The following UNC13C variants were observed in gnomAD, a reference collection of about 807,000 sequenced individuals.
UNC13C encodes unc-13 homolog C, also known as protein unc-13 homolog C.
In UNC13C, 174 loss-of-function variants were observed where a neutral mutation model predicts 245.4. The observed-to-expected ratio is 0.71, with a 90% CI of 0.63 to 0.80. The LOEUF (loss-of-function observed/expected upper bound fraction) is 0.80. Among genes scored for constraint, UNC13C ranks in the 30% least tolerant of loss-of-function variants. UNC13C has a pLI of 0.00. For missense variants in UNC13C, 2,829 were observed against 2,602.9 expected, an observed-to-expected ratio of 1.09 and a Z score of -1.89; for synonymous variants, 992 against 895.1, an observed-to-expected ratio of 1.11 and a Z score of -1.93.
At chr15:54,447,436 G>A (rs1221480223) in intron 19 of UNC13C, among the ~76,000 whole-genome samples, 5 of 152,132 alleles carry the variant, frequency 3.3e-5, no homozygotes, top group Admixed American at 6.5e-5. Flanking sequence ...ATTAATTATT[G>A]CCTCAATTTC....
intron 7 of UNC13C, among the ~76,000 whole-genome samples, chr15:54,238,351 G>A (rs1180337645): frequency 6.6e-6 from 1 of 152,058 alleles, no homozygotes; most frequent in Non-Finnish European, 1.5e-5. Context: ...GGGATTACAG[G>A]TGTGAGCCAC....
chr15:54,331,370 A>C (rs2038430899), intron 14 of UNC13C, among the ~76,000 whole-genome samples: 1 of 152,026 alleles, frequency 6.6e-6, no homozygotes, highest in African/African-American at 2.4e-5. Context: ...CTTTATTCTC[A>C]CCATCTTCAA....
At chr15:54,223,374 G>A (rs1247493237) in intron 4 of UNC13C, among the ~76,000 whole-genome samples, 1 of 151,786 alleles carries the variant, frequency 6.6e-6, no homozygotes. Flanking sequence ...GTGTTTTTTG[G>A]CACATTTGTT....
intron 10 of UNC13C, among the ~76,000 whole-genome samples, chr15:54,267,827 T>A (rs2036584483): frequency 6.6e-6 from 1 of 152,086 alleles, no homozygotes; most frequent in South Asian, 2.1e-4. Flanking sequence ...TTGGAAACAT[T>A]TGGTCATTAT....
At chr15:54,208,783 T>A (rs1307270810) in intron 4 of UNC13C, among the ~76,000 whole-genome samples, 1 of 152,132 alleles carries the variant, frequency 6.6e-6, no homozygotes, top group African/African-American at 2.4e-5. Flanking sequence ...ATGTATCACA[T>A]ACAATAAATA....
the UNC13C span, among the ~76,000 whole-genome samples, chr15:53,884,814 CT>C: frequency 6.6e-6 from 1 of 152,174 alleles, no homozygotes; most frequent in Non-Finnish European, 1.5e-5. Flanking sequence ...TAGTTCCCCC[CT>C]CTTTCCCTTT....
intron 8 of UNC13C, 124 bp from the exon 9 acceptor site, chr15:54,264,044 C>A (rs796574834): frequency 2.2e-6 from 2 of 904,518 alleles, no homozygotes; most frequent in Non-Finnish European, 3.4e-6. Context: ...TTCTAAAAAG[C>A]CACCTGACTC....
chr15:54,156,550 A>G (rs1200606311), intron 4 of UNC13C, among the ~76,000 whole-genome samples: 2 of 152,122 alleles, frequency 1.3e-5, no homozygotes. Context: ...ACGTTTAACA[A>G]TAAGTTGCAT....
chr15:53,985,437 TA>T, intron 1 of UNC13C, among the ~76,000 whole-genome samples: 1 of 151,180 alleles, frequency 6.6e-6, no homozygotes, highest in East Asian at 1.9e-4. Context: ...ATACATGTGC[TA>T]CTATGTATAC....
intron 13 of UNC13C, among the ~76,000 whole-genome samples, chr15:54,313,724 C>A (rs16974496): frequency 0.21 from 32,153 of 151,236 alleles, 3,524 homozygotes; most frequent in South Asian, 0.29. Flanking sequence ...AAGCATAAAC[C>A]AAACACATTC....
At chr15:53,928,776 C>A in the UNC13C span, among the ~76,000 whole-genome samples, 1 of 152,098 alleles carries the variant, frequency 6.6e-6, no homozygotes, top group Non-Finnish European at 1.5e-5. Flanking sequence ...GTACTGGGAG[C>A]TCTAACTTAG....
At chr15:54,107,020 G>T (rs1180102843) in intron 2 of UNC13C, among the ~76,000 whole-genome samples, 1 of 152,158 alleles carries the variant, frequency 6.6e-6, no homozygotes, top group Non-Finnish European at 1.5e-5. Flanking sequence ...AAATTAGTTT[G>T]TTTCATAGGT....
intron 1 of UNC13C, among the ~76,000 whole-genome samples, chr15:53,994,763 G>A (rs1894541910): frequency 6.6e-6 from 1 of 152,072 alleles, no homozygotes. Flanking sequence ...GTTTTTTAAT[G>A]TGTATAGTAT....
At chr15:54,117,418 T>TA (rs556214891) in intron 2 of UNC13C, among the ~76,000 whole-genome samples, 20 of 152,192 alleles carry the variant, frequency 1.3e-4, no homozygotes, top group Non-Finnish European at 2.5e-4. Context: ...GGCCTTAGAT[T>TA]AAAGCCTTTA....
chr15:54,078,716 G>A (rs868553083), intron 2 of UNC13C, among the ~76,000 whole-genome samples: 3 of 152,082 alleles, frequency 2.0e-5, no homozygotes, highest in South Asian at 4.2e-4. Context: ...ATAAATTCTG[G>A]ATGTTAGTCC....
intron 10 of UNC13C, among the ~76,000 whole-genome samples, chr15:54,288,362 G>A (rs2140927864): frequency 6.6e-6 from 1 of 152,208 alleles, no homozygotes; most frequent in Non-Finnish European, 1.5e-5. Flanking sequence ...ACTGTGAAAG[G>A]TGAAAGTAAA....
intron 17 of UNC13C, among the ~76,000 whole-genome samples, chr15:54,390,395 C>T (rs1343277686): frequency 1.3e-5 from 2 of 152,080 alleles, no homozygotes; most frequent in Non-Finnish European, 2.9e-5. Context: ...TTGGAACTTT[C>T]TTCAGATAAT....
chr15:54,354,753 A>G (rs1336480657), intron 17 of UNC13C, among the ~76,000 whole-genome samples: 3 of 152,218 alleles, frequency 2.0e-5, no homozygotes, highest in African/African-American at 7.2e-5. Context: ...AAAACAACTT[A>G]AAGATCAGTG....
intron 19 of UNC13C, among the ~76,000 whole-genome samples, chr15:54,475,894 C>G: frequency 9.1e-6 from 1 of 109,658 alleles, no homozygotes; most frequent in African/African-American, 3.5e-5. Context: ...CTGACTTCCA[C>G]AATGGTTGAA....
Sources: allele counts gnomAD v4.1 joint callset (sites outside exome capture counted in the v4.1 genomes callset), GRCh38; gene constraint gnomAD v4.1.1; transcripts MANE v1.5; gene names NCBI Gene and HGNC (gene_info 2026-07-23, HGNC 2026-07-21).